AGMO: variants seen among roughly 807,000 people sequenced by gnomAD.
The protein encoded by AGMO is glyceryl-ether monooxygenase.
In AGMO, 75 loss-of-function variants were observed where a neutral mutation model predicts 60.2. That is an observed-to-expected ratio of 1.25 (90% CI 1.03 to 1.51). The LOEUF is 1.51. Among genes scored for constraint, AGMO ranks in the 40% most tolerant of loss-of-function variants. The pLI, the probability that AGMO is intolerant of heterozygous loss-of-function variation, is 0.00. For synonymous variants in AGMO, 261 were observed against 177.1 expected (o/e 1.47, Z -3.76); for missense variants, 763 against 525.5 (o/e 1.45, Z -4.42).
intron 12 of AGMO, among the ~76,000 whole-genome samples, chr7:15,238,706 C>T (rs1165477958): frequency 1.3e-5 from 2 of 151,632 alleles, no homozygotes; most frequent in Admixed American, 1.3e-4. Flanking sequence ...GGCCAATGTT[C>T]AGAGAAATGG....
At chr7:15,229,767 A>G (rs991566727) in intron 12 of AGMO, among the ~76,000 whole-genome samples, 34 of 148,004 alleles carry the variant, frequency 2.3e-4, no homozygotes, top group Non-Finnish European at 4.5e-5. Flanking sequence ...AGTTATATAT[A>G]TAATTATTAG....
the AGMO span, among the ~76,000 whole-genome samples, chr7:15,135,979 C>CTTTTTTTTTTTTTTTTTTTTT: frequency 3.3e-3 from 347 of 106,750 alleles, no homozygotes; most frequent in Middle Eastern, 8.9e-3. Flanking sequence ...TTTTTCTTTT[C>CTTTTTTTTTTTTTTTTTTTTT]TTTTTTTTTT....
intron 3 of AGMO, among the ~76,000 whole-genome samples, chr7:15,516,203 TAAC>T (rs1056812439): frequency 1.3e-5 from 2 of 151,836 alleles, no homozygotes; most frequent in Admixed American, 1.3e-4. Context: ...ATGTTTTAAA[TAAC>T]AACAATAAAG....
At chr7:15,547,622 G>A (rs955261392) in intron 2 of AGMO, among the ~76,000 whole-genome samples, 4 of 152,104 alleles carry the variant, frequency 2.6e-5, no homozygotes, top group Admixed American at 6.5e-5. Flanking sequence ...CTTAAAAAAC[G>A]GCGCACCACG....
chr7:15,557,114 T>A (rs1197147121), intron 2 of AGMO, among the ~76,000 whole-genome samples: 1 of 152,056 alleles, frequency 6.6e-6, no homozygotes, highest in Non-Finnish European at 1.5e-5. Context: ...ACCTGAAATT[T>A]TATGTAATCC....
At chr7:15,362,618 G>A (rs1307305806) in intron 12 of AGMO, among the ~76,000 whole-genome samples, 1 of 152,136 alleles carries the variant, frequency 6.6e-6, no homozygotes, top group Non-Finnish European at 1.5e-5. Context: ...ATCTACTCTT[G>A]AAGAACTGGC....
the AGMO span, among the ~76,000 whole-genome samples, chr7:15,178,895 G>T: frequency 6.6e-6 from 1 of 152,062 alleles, no homozygotes; most frequent in African/African-American, 2.4e-5. Flanking sequence ...TCATCATACG[G>T]CAGGAAATGG....
intron 12 of AGMO, among the ~76,000 whole-genome samples, chr7:15,328,626 GT>G (rs1218515966): frequency 6.6e-6 from 1 of 152,116 alleles, no homozygotes; most frequent in Admixed American, 6.5e-5. Flanking sequence ...GCCATTAAGG[GT>G]TTCAGAGGAC....
chr7:15,525,164 G>C (rs1228832478), intron 3 of AGMO, among the ~76,000 whole-genome samples: 1 of 152,052 alleles, frequency 6.6e-6, no homozygotes, highest in Non-Finnish European at 1.5e-5. Context: ...AAGTCTTCAG[G>C]CTGACAAAAC....
chr7:15,281,117 G>T (rs1158547152), intron 12 of AGMO, among the ~76,000 whole-genome samples: 1 of 152,090 alleles, frequency 6.6e-6, no homozygotes, highest in Non-Finnish European at 1.5e-5. Context: ...TGGGACAAAA[G>T]AATCCAGATG....
chr7:15,146,568 T>A, the AGMO span, among the ~76,000 whole-genome samples: 1 of 152,150 alleles, frequency 6.6e-6, no homozygotes, highest in East Asian at 1.9e-4. Context: ...AATGAAGTAA[T>A]TATGTATGTT....
chr7:15,291,749 G>A (rs564695093), intron 12 of AGMO, among the ~76,000 whole-genome samples: 4 of 152,250 alleles, frequency 2.6e-5, no homozygotes, highest in Non-Finnish European at 2.9e-5. Flanking sequence ...TAAATGCATC[G>A]TAGAAACATC....
intron 3 of AGMO, among the ~76,000 whole-genome samples, chr7:15,479,183 A>T (rs1583594871): frequency 6.6e-6 from 1 of 152,176 alleles, no homozygotes; most frequent in African/African-American, 2.4e-5. Context: ...AATTCGTGTG[A>T]AAAAGAGGGG....
chr7:15,535,021 C>A (rs1416760970), intron 3 of AGMO, among the ~76,000 whole-genome samples: 2 of 151,920 alleles, frequency 1.3e-5, no homozygotes, highest in African/African-American at 4.8e-5. Flanking sequence ...ATTTAAACTT[C>A]TCAAGTAGTC....
chr7:15,372,126 C>G (rs34972808), intron 10 of AGMO, among the ~76,000 whole-genome samples: 1 of 149,396 alleles, frequency 6.7e-6, no homozygotes, highest in East Asian at 1.9e-4. Context: ...TGATAGACTA[C>G]TAAGGGAGAT....
intron 5 of AGMO, among the ~76,000 whole-genome samples, chr7:15,414,386 A>G (rs933822246): frequency 6.6e-6 from 1 of 152,108 alleles, no homozygotes; most frequent in Admixed American, 6.6e-5. Context: ...TTATATTACT[A>G]TAAAAGTCTT....
chr7:15,136,327 A>AG, the AGMO span, among the ~76,000 whole-genome samples: 1 of 151,822 alleles, frequency 6.6e-6, no homozygotes, highest in Middle Eastern at 3.4e-3. Context: ...ATTGTAAAAA[A>AG]GGGCTACAAG....
chr7:15,308,372 T>A (rs1375745190), intron 12 of AGMO, among the ~76,000 whole-genome samples: 1 of 152,110 alleles, frequency 6.6e-6, no homozygotes, highest in Non-Finnish European at 1.5e-5. Context: ...TTTAAGGTTT[T>A]GCTCATTCAC....
intron 12 of AGMO, among the ~76,000 whole-genome samples, chr7:15,274,658 T>C (rs2128515736): frequency 6.6e-6 from 1 of 152,046 alleles, no homozygotes; most frequent in Non-Finnish European, 1.5e-5. Flanking sequence ...TTTGTACATT[T>C]GGTAGAAGTT....
Sources: allele counts gnomAD v4.1 joint callset (sites outside exome capture counted in the v4.1 genomes callset), GRCh38; gene constraint gnomAD v4.1.1; transcripts MANE v1.5; gene names NCBI Gene and HGNC (gene_info 2026-07-23, HGNC 2026-07-21).